The following AGMO variants were observed in gnomAD, a reference collection of about 807,000 sequenced individuals.
The protein encoded by AGMO is alkylglycerol monooxygenase.
A neutral mutation model predicts 60.2 loss-of-function variants in AGMO; 75 were observed. That is an observed-to-expected ratio of 1.25 (90% confidence interval 1.03 to 1.51). The LOEUF is 1.51. AGMO is among the 40% of genes most tolerant of loss of function. AGMO has a pLI of 0.00. For missense variants in AGMO, 763 were observed against 525.5 expected (o/e 1.45, Z -4.42); for synonymous variants, 261 against 177.1 (o/e 1.47, Z -3.76).
In AGMO at chr7:15,533,079, C is replaced by T. The variant is rs142369501; in HGVS notation, c.409+11693G>A. On this transcript the variant is annotated intron_variant, in intron 3 of 12. Coordinates refer to ENST00000342526, the MANE Select transcript of AGMO (RefSeq NM_001004320.2). The stretch of plus-strand genomic sequence containing the variant: ...TTTCACCCACAAGATTTTGGCAATA[C>T]CTCTCAGAGTAGTATCCTTAAGTAC... Among the ~76,000 whole-genome samples, 140 of 152,236 alleles carry T rather than the reference C, an allele frequency of 9.2e-4. 1 individual carries two copies. In the East Asian group the frequency reaches 0.011, roughly 12 times the overall value.
the AGMO span, among the ~76,000 whole-genome samples, chr7:15,163,350 G>A: frequency 6.6e-6 from 1 of 152,052 alleles, no homozygotes; most frequent in Non-Finnish European, 1.5e-5. Context: ...CTGAGTTCCA[G>A]TACTATGTTC....
the AGMO span, among the ~76,000 whole-genome samples, chr7:15,118,866 A>C: frequency 7.5e-6 from 1 of 134,198 alleles, no homozygotes; most frequent in African/African-American, 2.7e-5. Flanking sequence ...GATAATTCCC[A>C]GACGTCAGTA....
In AGMO at chr7:15,387,451, C is replaced by G; in HGVS notation, c.912G>C (p.Trp304Cys). ...GACCAAGTCTTGGTTTACCTGGACC[C>G]CATCCCGGTCCCTTAAATATGACAG... ...KFSVIFKGPG[W>C]GPGKPRLGLS... is the part of the protein sequence containing the mutation. Residue 304 changes from tryptophan to cysteine, a missense_variant, in exon 9 of 13, where the codon TGG (tryptophan) becomes TGC (cysteine). Coordinates refer to ENST00000342526, the MANE Select transcript of AGMO (RefSeq NM_001004320.2). 1 of 1,613,936 alleles carries G rather than the reference C, an allele frequency of 6.2e-7. No individual in the cohort carries two copies. The highest frequency in any genetic ancestry group is 8.5e-7 in the Non-Finnish European group (1 of 1,179,904).
At chr7:15,155,804 G>T in the AGMO span, among the ~76,000 whole-genome samples, 1 of 152,086 alleles carries the variant, frequency 6.6e-6, no homozygotes, top group Non-Finnish European at 1.5e-5. Flanking sequence ...TTTGTATGGG[G>T]CATTTTGCTT....
At chr7:15,542,902 C>T (rs1315110810) in intron 3 of AGMO, among the ~76,000 whole-genome samples, 1 of 152,122 alleles carries the variant, frequency 6.6e-6, no homozygotes. Context: ...TAAATTAAGC[C>T]TTCATAGAGT....
chr7:15,380,968 C>T (rs1023208287), intron 10 of AGMO, among the ~76,000 whole-genome samples: 1 of 152,174 alleles, frequency 6.6e-6, no homozygotes, highest in Non-Finnish European at 1.5e-5. Context: ...GCTGGGATAA[C>T]TGCCTAGCCA....
At chr7:15,495,576 C>T (rs1783199905) in intron 3 of AGMO, among the ~76,000 whole-genome samples, 1 of 152,130 alleles carries the variant, frequency 6.6e-6, no homozygotes, top group Admixed American at 6.6e-5. Flanking sequence ...TCATAGCTTC[C>T]CATGTCTCAG....
chr7:15,384,905 T>C (rs1028424384), intron 10 of AGMO, among the ~76,000 whole-genome samples: 1 of 151,740 alleles, frequency 6.6e-6, no homozygotes, highest in African/African-American at 2.4e-5. Flanking sequence ...GAGTATTCTT[T>C]TGTGGCCAAA....
the AGMO span, among the ~76,000 whole-genome samples, chr7:15,178,905 G>T: frequency 7.5e-3 from 1,146 of 152,190 alleles, 17 homozygotes; most frequent in African/African-American, 0.026. Flanking sequence ...GCAGGAAATG[G>T]CAGGCAGAGG....
At chr7:15,310,081 G>T (rs1386293509) in intron 12 of AGMO, among the ~76,000 whole-genome samples, 1 of 152,116 alleles carries the variant, frequency 6.6e-6, no homozygotes, top group East Asian at 1.9e-4. Flanking sequence ...CATGCTTAGT[G>T]CCTGTTCTTT....
the AGMO span, among the ~76,000 whole-genome samples, chr7:15,151,544 G>A: frequency 6.6e-6 from 1 of 151,916 alleles, no homozygotes; most frequent in Non-Finnish European, 1.5e-5. Context: ...ATTTTTTTCT[G>A]TTTTAATTTA....
At chr7:15,302,479 T>G (rs1291925462) in intron 12 of AGMO, among the ~76,000 whole-genome samples, 1 of 152,198 alleles carries the variant, frequency 6.6e-6, no homozygotes, top group Non-Finnish European at 1.5e-5. Flanking sequence ...TATTATTTTG[T>G]TCTAACTCTA....
chr7:15,347,869 A>C (rs1782090285), intron 12 of AGMO, among the ~76,000 whole-genome samples: 1 of 152,066 alleles, frequency 6.6e-6, no homozygotes, highest in South Asian at 2.1e-4. Flanking sequence ...ATACTTTATT[A>C]AATACAGTAT....
chr7:15,313,954 G>A (rs1780841089), intron 12 of AGMO, among the ~76,000 whole-genome samples: 1 of 151,776 alleles, frequency 6.6e-6, no homozygotes, highest in African/African-American at 2.4e-5. Context: ...ATGCCTACTT[G>A]ATGGATGAAG....
rs935413211 is a variant in AGMO at position 15,337,524 on chromosome 7, A to G, written c.1263+27990T>C. Among the ~76,000 whole-genome samples, 9 of 152,104 alleles carry G rather than the reference A, an allele frequency of 5.9e-5. No individual in the cohort carries two copies. In the South Asian group the frequency reaches 1.9e-3, roughly 31 times the overall value. On this transcript the variant is annotated intron_variant, in intron 12 of 12. Transcript: ENST00000342526. ...TGCCAGTGATCTTCCCAGCTGAGAA[A>G]AGGATTTTGGAGAAAAGGGCAGGTG...
At chr7:15,273,736 G>T (rs190448398) in intron 12 of AGMO, among the ~76,000 whole-genome samples, 26 of 152,288 alleles carry the variant, frequency 1.7e-4, no homozygotes, top group African/African-American at 6.3e-4. Context: ...TCACGGTATT[G>T]ATTCTTCCTA....
intron 8 of AGMO, among the ~76,000 whole-genome samples, chr7:15,390,031 C>T (rs994303777): frequency 1.3e-5 from 2 of 152,106 alleles, no homozygotes; most frequent in Non-Finnish European, 2.9e-5. Context: ...GTATTCTTAT[C>T]TTTTTCTCAT....
chr7:15,218,091 C>T lies in AGMO; in HGVS notation c.1264-16732G>A, dbSNP rs983622865. 7.9e-5 allele frequency among the ~76,000 whole-genome samples: 12 copies of T among 151,760 alleles called. No individual in the cohort carries two copies. The East Asian group carries it at 1.9e-3, about 24-fold the overall frequency. ...ATCAATAAGAAAAAAGACGTATAAA[C>T]GGTAATATATCCAAACAATTAAATG... On this transcript the variant is annotated intron_variant, in intron 12 of 12. Transcript: ENST00000342526.
intron 3 of AGMO, among the ~76,000 whole-genome samples, chr7:15,459,161 G>A (rs1376173323): frequency 2.0e-5 from 3 of 152,012 alleles, no homozygotes; most frequent in Admixed American, 1.3e-4. Context: ...AGTTCAAGCT[G>A]TGTCTATGCA....
Sources: gnomAD v4.1 joint callset for allele counts (sites outside exome capture counted in the v4.1 genomes callset) on GRCh38, gnomAD v4.1.1 for gene constraint, MANE v1.5 for transcripts, NCBI Gene and HGNC (gene_info 2026-07-23, HGNC 2026-07-21) for gene names.